Variants in VCAN observed in about 807,000 individuals in gnomAD.
VCAN encodes the protein versican core protein.
Under a neutral mutation model 245.5 loss-of-function variants are expected in VCAN, and 44 were observed. The ratio of observed to expected loss-of-function variants is 0.18; its 90% CI spans 0.14 to 0.23. VCAN has a LOEUF of 0.23. VCAN is among the 10% of genes least tolerant of loss of function. The pLI, the probability that VCAN is intolerant of heterozygous loss-of-function variation, is 1.00. For missense variants in VCAN, 3,793 were observed against 4,057.9 expected, an observed-to-expected ratio of 0.93 and a Z score of 1.77; for synonymous variants, 1,413 against 1,437.0, an observed-to-expected ratio of 0.98 and a Z score of 0.38.
chr5:83,501,712 A>G (rs766593483), intron 5 of VCAN, among the ~76,000 whole-genome samples: 63 of 152,144 alleles, frequency 4.1e-4, no homozygotes, highest in Non-Finnish European at 7.1e-4. Flanking sequence ...AATTTTGAAA[A>G]TGGAAAGTGT....
In VCAN at chr5:83,520,888, C is replaced by G. The variant is rs1455689491; in HGVS notation, c.2582C>G (p.Thr861Ser). 1 of 1,614,112 alleles carries G rather than the reference C, an allele frequency of 6.2e-7. No homozygotes were observed. The highest frequency in any genetic ancestry group is 8.5e-7 in the Non-Finnish European group (1 of 1,179,996). Residue 861 changes from threonine to serine, a missense_variant, in exon 7 of 15, where the codon ACT becomes AGT. Around this residue, in one of 5 missense-constraint regions of VCAN, gnomAD observed 3,182 missense variants for 3,250.3 expected, o/e 0.98. Coordinates refer to ENST00000265077, the MANE Select transcript of VCAN (RefSeq NM_004385.5). ...GAATTTACTCTTATTCCAGATAGTA[C>G]TCAAAAGCAGTTAGAGGAGGTTACT... ...ADEFTLIPDS[T>S]QKQLEEVTDE...
rs764506909 is a variant in VCAN, at chr5:83,521,554, G to A, written c.3248G>A (p.Gly1083Asp). Reference protein sequence around the residue: ...YTVSEDELLTGSERVPVLETT... With the variant: ...YTVSEDELLTDSERVPVLETT... ...GTCTCTGAAGATGAATTGTTGACAG[G>A]TTCTGAGAGGGTCCCAGTTTTAGAA... The change falls in exon 7 of 15, where the codon GGT (glycine) becomes GAT (aspartate). Residue 1083 changes from glycine to aspartate, a missense_variant. Gly to Asp is a moderately conservative substitution (Grantham distance 94, BLOSUM62 -1). This residue lies in a region of VCAN where 3,182 missense variants were observed against 3,250.3 expected (regional missense o/e 0.98). Coordinates refer to ENST00000265077, the MANE Select transcript of VCAN (RefSeq NM_004385.5). 2.5e-6 allele frequency: 4 copies of A among 1,613,908 alleles called. No individual in the cohort carries two copies. The African/African-American group carries it at 4.0e-5, about 16-fold the overall frequency.
At chr5:83,534,712 A>C (rs563704843) in intron 7 of VCAN, among the ~76,000 whole-genome samples, 1 of 152,206 alleles carries the variant, frequency 6.6e-6, no homozygotes, top group African/African-American at 2.4e-5. Flanking sequence ...GTCTGGCTTA[A>C]TTCAACTATA....
Position 83,538,064 on chromosome 5 carries a change from C to A in VCAN, c.5061C>A (p.Thr1687=). The A allele has an allele frequency of 1.2e-6, 2 of 1,614,058 alleles. No homozygotes were observed. Among genetic ancestry groups the A allele is most frequent in the East Asian group, 4.5e-5 (2 of 44,860 alleles). ...ITESFFEVPA[T]TIYPVSEQPS... ...AAAGCTTTTTTGAGGTTCCTGCAAC[C>A]ACCATTTATCCAGTTTCTGAACAAC... Residue 1687 remains threonine (T), a synonymous_variant, in exon 8 of 15, where the codon ACC becomes ACA. Transcript: ENST00000265077.
chr5:83,530,823 C>T (rs921934121), intron 7 of VCAN, among the ~76,000 whole-genome samples: 1 of 151,884 alleles, frequency 6.6e-6, no homozygotes, highest in Non-Finnish European at 1.5e-5. Context: ...ACTTTTTTTA[C>T]AACCTAATTG....
chr5:83,543,210 C>G (rs1030500084), intron 8 of VCAN, among the ~76,000 whole-genome samples: 1 of 152,100 alleles, frequency 6.6e-6, no homozygotes, highest in Non-Finnish European at 1.5e-5. Flanking sequence ...ATTTATTTTC[C>G]TCTTAATCTA....
chr5:83,476,819 T>C (rs1744410024), intron 1 of VCAN, among the ~76,000 whole-genome samples: 1 of 152,098 alleles, frequency 6.6e-6, no homozygotes, highest in South Asian at 2.1e-4. Context: ...TTCTGTTTCC[T>C]GAAACACACC....
At chr5:83,571,990 T>C (rs1349267139) in intron 12 of VCAN, among the ~76,000 whole-genome samples, 1 of 152,126 alleles carries the variant, frequency 6.6e-6, no homozygotes. Flanking sequence ...GAAAATTCGA[T>C]TGAGGTATCA....
chr5:83,525,501 T>C (rs1746259870), intron 7 of VCAN, among the ~76,000 whole-genome samples: 1 of 152,154 alleles, frequency 6.6e-6, no homozygotes, highest in Non-Finnish European at 1.5e-5. Context: ...TATTTTTAAA[T>C]CAAAGAATAA....
Position 83,536,987 on chromosome 5 carries a change from G to A in VCAN, c.4004-20G>A. ...GCCAAATTTTCTATTTAAGTATTGT[G>A]AAAACTCTGTTTTTTTCAGGTCGAA... On this transcript the variant is annotated intron_variant, in intron 7 of 14. Coordinates refer to ENST00000265077, the MANE Select transcript of VCAN (RefSeq NM_004385.5). 6.4e-7 allele frequency: 1 copy of A among 1,559,480 alleles called. No homozygotes were observed. Among genetic ancestry groups the A allele is most frequent in the Non-Finnish European group, 8.6e-7 (1 of 1,157,180 alleles).
At chr5:83,546,153 A>G (rs769481456) in intron 9 of VCAN, among the ~76,000 whole-genome samples, 8 of 151,880 alleles carry the variant, frequency 5.3e-5, no homozygotes, top group African/African-American at 1.7e-4. Flanking sequence ...GAGCTGTGCA[A>G]TTGCTGTTCC....
At chr5:83,499,058 T>C (rs911187512) in intron 5 of VCAN, among the ~76,000 whole-genome samples, 6 of 152,164 alleles carry the variant, frequency 3.9e-5, no homozygotes, top group Admixed American at 1.3e-4. Context: ...GCAAGTCTGC[T>C]CTGTTCCTCT....
Position 83,537,421 on chromosome 5 carries a change from C to T in VCAN, c.4418C>T (p.Thr1473Ile). ...TAVQPNESTE[T>I]TESLEVTWKP... ...GTGCAACCTAATGAATCTACAGAAA[C>T]AACTGAGTCTCTTGAAGTTACATGG... Residue 1473 changes from threonine (T) to isoleucine (I), a missense_variant, in exon 8 of 15, where the codon ACA becomes ATA. Thr to Ile is a moderately conservative substitution (Grantham distance 89). Around this residue, in one of 5 missense-constraint regions of VCAN, gnomAD observed 3,182 missense variants for 3,250.3 expected, o/e 0.98. Coordinates refer to ENST00000265077, the MANE Select transcript of VCAN (RefSeq NM_004385.5). 1 of 1,613,912 alleles carries T rather than the reference C, an allele frequency of 6.2e-7. No individual in the cohort carries two copies. Among genetic ancestry groups the T allele is most frequent in the East Asian group, 2.2e-5 (1 of 44,872 alleles).
intron 8 of VCAN, 23 bp from the exon 9 acceptor site, chr5:83,545,514 T>G (rs377186303): frequency 2.4e-5 from 38 of 1,604,198 alleles, no homozygotes; most frequent in Middle Eastern, 1.6e-4. Flanking sequence ...TAACTGCTTT[T>G]CTTACTTTCC....
At chr5:83,478,654 A>G (rs1744481520) in intron 1 of VCAN, among the ~76,000 whole-genome samples, 1 of 152,222 alleles carries the variant, frequency 6.6e-6, no homozygotes, top group Admixed American at 6.5e-5. Context: ...CTGATTTGGA[A>G]CATTCTCCAA....
intron 1 of VCAN, among the ~76,000 whole-genome samples, chr5:83,475,672 T>C (rs1404363477): frequency 1.3e-5 from 2 of 152,172 alleles, no homozygotes; most frequent in African/African-American, 2.4e-5. Flanking sequence ...GAAAGAAATA[T>C]GTTAGAATTG....
chr5:83,479,602 A>T (rs573561261), intron 1 of VCAN, among the ~76,000 whole-genome samples: 19 of 152,316 alleles, frequency 1.2e-4, no homozygotes, highest in Admixed American at 7.2e-4. Flanking sequence ...GACGGTGCTT[A>T]TAAGAGAGAC....
At chr5:83,560,004 C>CA (rs35874300) in intron 12 of VCAN, among the ~76,000 whole-genome samples, 18,208 of 137,596 alleles carry the variant, frequency 0.13, 1,105 homozygotes, top group South Asian at 0.2. Flanking sequence ...GTGAAAAGAC[C>CA]AAAAAAAAAA....
intron 2 of VCAN, among the ~76,000 whole-genome samples, chr5:83,486,610 A>G (rs1744800304): frequency 6.6e-6 from 1 of 152,214 alleles, no homozygotes; most frequent in East Asian, 1.9e-4. Flanking sequence ...GTAGTAGGCG[A>G]CCATCCTTCA....
Sources: gnomAD v4.1 joint callset for allele counts (sites outside exome capture counted in the v4.1 genomes callset) on GRCh38, gnomAD v4.1.1 for gene constraint, gnomAD v4.1.1 regional missense constraint, MANE v1.5 for transcripts, NCBI Gene and HGNC (gene_info 2026-07-23, HGNC 2026-07-21) for gene names.